The following MDGA2 variants were observed in gnomAD, a reference collection of about 807,000 sequenced individuals.
MDGA2 encodes the protein MAM domain containing glycosylphosphatidylinositol anchor 2.
MDGA2 carries 40 observed loss-of-function variants against 117.8 expected under a neutral mutation model. That is an observed-to-expected ratio of 0.34 (90% CI 0.26 to 0.44). MDGA2 has a LOEUF of 0.44. Among genes scored for constraint, MDGA2 ranks in the 20% least tolerant of loss-of-function variants. The pLI, the probability that MDGA2 is intolerant of heterozygous loss-of-function variation, is 1.00. For missense variants in MDGA2, 1,123 were observed against 1,250.6 expected, an observed-to-expected ratio of 0.90 and a Z score of 1.54; for synonymous variants, 452 against 439.0, an observed-to-expected ratio of 1.03 and a Z score of -0.37.
intron 1 of MDGA2, among the ~76,000 whole-genome samples, chr14:47,415,993 C>A (rs1287261770): frequency 6.6e-6 from 1 of 152,178 alleles, no homozygotes; most frequent in Admixed American, 6.5e-5. Flanking sequence ...GGGGGTTACA[C>A]AAATATTCAG....
At chr14:47,221,687 C>CAA (rs36059038) in intron 2 of MDGA2, among the ~76,000 whole-genome samples, 7,308 of 123,528 alleles carry the variant, frequency 0.059, 284 homozygotes, top group Non-Finnish European at 0.058. Context: ...GACTCTATCT[C>CAA]AAAAAAAAAA....
Position 46,848,659 on chromosome 14 carries a change from A to C in MDGA2, c.2884-2788T>G, listed in dbSNP as rs549520374. Among the ~76,000 whole-genome samples, 4 of 152,018 alleles carry C rather than the reference A, an allele frequency of 2.6e-5. No individual in the cohort carries two copies. The South Asian group carries it at 8.3e-4, about 31-fold the overall frequency. The stretch of plus-strand genomic sequence containing the variant: ...CCTAGGCTTGTGCTAAAAAAAAAAA[A>C]AAAAGTCCCAGAGCAGTGAAATTGT... On this transcript the variant is annotated intron_variant, in intron 15 of 16. Transcript: ENST00000399232.
At chr14:47,340,911 C>T (rs899528053) in intron 1 of MDGA2, among the ~76,000 whole-genome samples, 6 of 152,106 alleles carry the variant, frequency 3.9e-5, no homozygotes, top group African/African-American at 7.2e-5. Context: ...AAATTCATCC[C>T]GCTTTGTTAT....
At chr14:46,872,000 C>A (rs1195018890) in intron 14 of MDGA2, 2 of 218,254 alleles carry the variant, frequency 9.2e-6, no homozygotes, top group Non-Finnish European at 2.0e-5. Context: ...AATTATAAAA[C>A]AAAACAAAAA....
chr14:47,153,447 C>T (rs112415351), intron 3 of MDGA2, among the ~76,000 whole-genome samples: 4,424 of 152,172 alleles, frequency 0.029, 200 homozygotes, highest in African/African-American at 0.1. Context: ...GAGAGAACTT[C>T]ACCTGGCTGT....
At chr14:46,939,734 C>T (rs1489656253) in intron 9 of MDGA2, among the ~76,000 whole-genome samples, 2 of 152,128 alleles carry the variant, frequency 1.3e-5, no homozygotes, top group African/African-American at 4.8e-5. Context: ...ATGGCAATAT[C>T]CTTATCATTT....
chr14:47,044,595 G>A (rs1208864225), intron 7 of MDGA2, among the ~76,000 whole-genome samples: 1 of 152,054 alleles, frequency 6.6e-6, no homozygotes, highest in Non-Finnish European at 1.5e-5. Context: ...ATATGAATAA[G>A]CATAATACAT....
chr14:47,342,324 A>T (rs2138325730), intron 1 of MDGA2, among the ~76,000 whole-genome samples: 1 of 148,758 alleles, frequency 6.7e-6, no homozygotes, highest in East Asian at 1.9e-4. Context: ...ATATATTTAT[A>T]TAACATATAT....
chr14:46,897,797 A>G (rs1349766105), intron 10 of MDGA2, among the ~76,000 whole-genome samples: 1 of 152,066 alleles, frequency 6.6e-6, no homozygotes, highest in Non-Finnish European at 1.5e-5. Flanking sequence ...CTCAAAATGT[A>G]TAATAATAAT....
At chr14:47,273,552 T>G (rs1206004711) in intron 2 of MDGA2, among the ~76,000 whole-genome samples, 1 of 152,162 alleles carries the variant, frequency 6.6e-6, no homozygotes, top group Non-Finnish European at 1.5e-5. Flanking sequence ...AAAATCATAT[T>G]AATGGCCTGG....
chr14:47,294,512 A>G (rs1449502532), intron 2 of MDGA2, among the ~76,000 whole-genome samples: 1 of 152,170 alleles, frequency 6.6e-6, no homozygotes, highest in East Asian at 1.9e-4. Context: ...ACTCTCTAAC[A>G]TGATATAGCA....
At chr14:47,087,801 C>A (rs6572402) in intron 6 of MDGA2, among the ~76,000 whole-genome samples, 19,503 of 139,260 alleles carry the variant, frequency 0.14, 1,470 homozygotes, top group East Asian at 0.31. Flanking sequence ...TGTAGGGTAT[C>A]AAAAAAAAAA....
At chr14:47,293,592 G>C (rs1019957406) in intron 2 of MDGA2, among the ~76,000 whole-genome samples, 2 of 152,060 alleles carry the variant, frequency 1.3e-5, no homozygotes, top group Non-Finnish European at 2.9e-5. Flanking sequence ...TTATTATTTA[G>C]TATCAACGAC....
chr14:47,313,845 G>A (rs1373497690), intron 1 of MDGA2, among the ~76,000 whole-genome samples: 1 of 152,014 alleles, frequency 6.6e-6, no homozygotes, highest in African/African-American at 2.4e-5. Flanking sequence ...ATCCAAATAT[G>A]AAATATACTT....
chr14:47,493,955 G>A (rs1467561887), intron 1 of MDGA2, among the ~76,000 whole-genome samples: 1 of 152,118 alleles, frequency 6.6e-6, no homozygotes, highest in Non-Finnish European at 1.5e-5. Context: ...ATCGTCAAGT[G>A]TTGGAGGAGG....
At chr14:47,626,291 C>G (rs772354398) in intron 1 of MDGA2, 1 of 152,252 alleles carries the variant, frequency 6.6e-6, no homozygotes, top group South Asian at 2.1e-4. Context: ...GGACAACAGC[C>G]GCCTTAGGCT....
chr14:47,038,766 C>A (rs1166582370), intron 7 of MDGA2, among the ~76,000 whole-genome samples: 1 of 151,274 alleles, frequency 6.6e-6, no homozygotes, highest in East Asian at 1.9e-4. Context: ...TAAACCCCAT[C>A]TCTACTAAAA....
At chr14:47,244,966 C>A (rs1045590881) in intron 2 of MDGA2, among the ~76,000 whole-genome samples, 1 of 151,748 alleles carries the variant, frequency 6.6e-6, no homozygotes, top group African/African-American at 2.4e-5. Flanking sequence ...TGGTACACTT[C>A]CACTTAATAA....
intron 15 of MDGA2, among the ~76,000 whole-genome samples, chr14:46,851,961 G>A (rs753808310): frequency 2.3e-4 from 34 of 150,930 alleles, no homozygotes; most frequent in East Asian, 1.9e-4. Flanking sequence ...AAAATGAAAC[G>A]AGACAAAAAC....
Sources: gnomAD v4.1 joint callset for allele counts (sites outside exome capture counted in the v4.1 genomes callset) on GRCh38, gnomAD v4.1.1 for gene constraint, MANE v1.5 for transcripts, NCBI Gene and HGNC (gene_info 2026-07-23, HGNC 2026-07-21) for gene names.